The following ZFYVE16 variants were observed in gnomAD, a reference collection of about 807,000 sequenced individuals.
ZFYVE16 encodes the protein zinc finger FYVE domain-containing protein 16.
Under a neutral mutation model 138.1 loss-of-function variants are expected in ZFYVE16, and 89 were observed. The ratio of observed to expected loss-of-function variants is 0.64; its 90% CI spans 0.54 to 0.77. ZFYVE16 has a LOEUF of 0.77. Ranked by LOEUF, ZFYVE16 falls within the 30% of genes least tolerant of loss-of-function variation. ZFYVE16 has a pLI of 0.00. For missense variants in ZFYVE16, 1,793 were observed against 1,786.7 expected, an observed-to-expected ratio of 1.00 and a Z score of -0.06; for synonymous variants, 596 against 618.3, an observed-to-expected ratio of 0.96 and a Z score of 0.53.
intron 15 of ZFYVE16, among the ~76,000 whole-genome samples, chr5:80,465,912 A>G (rs1045530393): frequency 6.6e-6 from 1 of 150,620 alleles, no homozygotes; most frequent in African/African-American, 2.4e-5. Context: ...GTTTTTCATT[A>G]TGCATATATT....
At chr5:80,440,686 G>GTGTGTA (rs1750592353) in intron 5 of ZFYVE16, 1 of 982,568 alleles carries the variant, frequency 1.0e-6, no homozygotes, top group South Asian at 4.7e-5. Context: ...GTGTGTGTGT[G>GTGTGTA]TGTGTGTGTG....
chr5:80,436,872 G>T lies in ZFYVE16; in HGVS notation c.187G>T (p.Val63Phe). 1 of 1,614,096 alleles carries T rather than the reference G, an allele frequency of 6.2e-7. No homozygotes were observed. The highest frequency in any genetic ancestry group is 8.5e-7 in the Non-Finnish European group (1 of 1,180,004). The change falls in exon 4 of 19, where the codon GTT becomes TTT. Residue 63 changes from valine (V) to phenylalanine (F), a missense_variant. Physicochemically the swap from Val to Phe is conservative, Grantham distance 50. Transcript: ENST00000505560. ...TSLLPKDQEC[V>F]NSCASSETSY... ...ATTGCTCCCAAAAGACCAAGAGTGC[G>T]TTAATAGTTGTGCCTCATCAGAAAC... is the stretch of plus-strand genomic sequence containing the variant.
At chr5:80,456,779 A>G (rs934096779) in intron 13 of ZFYVE16, among the ~76,000 whole-genome samples, 166 bp from the exon 14 acceptor site, 9 of 152,224 alleles carry the variant, frequency 5.9e-5, no homozygotes, top group East Asian at 3.8e-4. Context: ...TTACTGTTCA[A>G]CTGAAGTGCT....
chr5:80,463,086 A>G lies in ZFYVE16; in HGVS notation c.4024+3592A>G, dbSNP rs141480699. Among the ~76,000 whole-genome samples the G allele has an allele frequency of 5.3e-3, 802 of 152,254 alleles. 4 individuals are homozygous for G. Among genetic ancestry groups the G allele is most frequent in the African/African-American group, 0.018 (740 of 41,554 alleles). The stretch of plus-strand genomic sequence containing the variant: ...CACAGTGCAAGCTGTTGGTGGATCT[A>G]CCATTCTGGGGTCTGGAGGATGGTG... On this transcript the variant is annotated intron_variant, in intron 15 of 18. Coordinates refer to ENST00000505560, the MANE Select transcript of ZFYVE16 (RefSeq NM_001284236.3).
Position 80,437,840 on chromosome 5 carries a change from T to C in ZFYVE16, c.1155T>C (p.Cys385=), listed in dbSNP as rs750008161. ...LSCLPASGSM[C]GSLIESKARG... is the part of the protein sequence containing the mutation. ...GTCTTCCTGCGTCTGGGTCTATGTGTGGATCATTAATTGAAAGTAAAGCAC... is the reference window on the plus strand; with the variant it reads ...GTCTTCCTGCGTCTGGGTCTATGTGCGGATCATTAATTGAAAGTAAAGCAC... The change falls in exon 4 of 19, where the codon TGT becomes TGC. Residue 385 remains cysteine, a synonymous_variant. Transcript: ENST00000505560. 34 of 1,613,988 alleles carry C rather than the reference T, an allele frequency of 2.1e-5. No homozygotes were observed. Among genetic ancestry groups the C allele is most frequent in the Non-Finnish European group, 2.8e-5 (33 of 1,179,988 alleles).
intron 2 of ZFYVE16, among the ~76,000 whole-genome samples, chr5:80,432,169 A>G (rs910281412): frequency 1.3e-5 from 2 of 152,234 alleles, no homozygotes; most frequent in African/African-American, 4.8e-5. Flanking sequence ...GCATCACGCT[A>G]CCTGACTTCA....
upstream of ZFYVE16, among the ~76,000 whole-genome samples, chr5:80,407,659 G>C (rs1744805198): frequency 6.6e-6 from 1 of 152,216 alleles, no homozygotes; most frequent in African/African-American, 2.4e-5. Flanking sequence ...GCCCGCTGCC[G>C]GGAAGGCGGG....
At chr5:80,476,227 G>A (rs929625018) in intron 18 of ZFYVE16, among the ~76,000 whole-genome samples, 8 of 151,956 alleles carry the variant, frequency 5.3e-5, no homozygotes, top group Admixed American at 2.0e-4. Flanking sequence ...GTGAGCCACC[G>A]CACCTGGCCT....
intron 15 of ZFYVE16, among the ~76,000 whole-genome samples, chr5:80,465,400 G>GT (rs3072097): frequency 0.033 from 878 of 26,710 alleles, 200 homozygotes; most frequent in South Asian, 0.067. Flanking sequence ...CCTTTTCTTT[G>GT]TTTTTTTTTT....
At chr5:80,454,558 G>C (rs1013718485) in intron 11 of ZFYVE16, 1 of 151,360 alleles carries the variant, frequency 6.6e-6, no homozygotes, top group Non-Finnish European at 1.5e-5. Flanking sequence ...CCAGGCTGGA[G>C]TGCAGTGGCG....
In ZFYVE16 at chr5:80,438,264, C is replaced by G. The variant is rs564245795; in HGVS notation, c.1579C>G (p.Leu527Val). The G allele has an allele frequency of 6.2e-7, 1 of 1,614,078 alleles. No individual in the cohort carries two copies. The highest frequency in any genetic ancestry group is 8.5e-7 in the Non-Finnish European group (1 of 1,179,966). The change falls in exon 4 of 19, where the codon CTA (leucine) becomes GTA (valine). Residue 527 changes from leucine (L) to valine (V), a missense_variant. Leu to Val is a conservative substitution (Grantham distance 32). Transcript: ENST00000505560. Reference protein sequence around the residue: ...NIDEGAKSGPLISDAELDAFL... With the variant: ...NIDEGAKSGPVISDAELDAFL... The stretch of plus-strand genomic sequence containing the variant: ...TGATGAAGGCGCAAAAAGTGGCCCA[C>G]TAATTAGTGATGCTGAACTTGATGC...
At chr5:80,459,632 G>A in intron 15 of ZFYVE16, 138 bp downstream of exon 15, 2 of 659,022 alleles carry the variant, frequency 3.0e-6, no homozygotes, top group Non-Finnish European at 4.9e-6. Flanking sequence ...TCATCAACCA[G>A]CACAAGAAGT....
intron 5 of ZFYVE16, chr5:80,441,746 G>T (rs1750733942): frequency 1.0e-6 from 1 of 985,306 alleles, no homozygotes; most frequent in Non-Finnish European, 1.2e-6. Context: ...CCAGAGTAAA[G>T]TGTTTGGATT....
chr5:80,451,906 T>C, intron 11 of ZFYVE16, 197 bp downstream of exon 11: 1 of 510,738 alleles, frequency 2.0e-6, no homozygotes. Flanking sequence ...AGTTTCTAGA[T>C]GTTCATAAGT....
chr5:80,448,847 G>A (rs1157393434), intron 8 of ZFYVE16, among the ~76,000 whole-genome samples: 2 of 152,000 alleles, frequency 1.3e-5, no homozygotes, highest in African/African-American at 4.8e-5. Context: ...AGTTTCCTTT[G>A]TAAATAGAAC....
intron 15 of ZFYVE16, among the ~76,000 whole-genome samples, chr5:80,461,887 G>A (rs913877640): frequency 6.6e-6 from 1 of 152,050 alleles, no homozygotes. Context: ...CAAGAGAATG[G>A]TGTGAACCCA....
At chr5:80,413,043 G>A (rs972915196) in intron 1 of ZFYVE16, among the ~76,000 whole-genome samples, 1 of 152,128 alleles carries the variant, frequency 6.6e-6, no homozygotes, top group African/African-American at 2.4e-5. Context: ...GGGTTGTGGG[G>A]CACACACCTG....
chr5:80,437,198 T>A lies in ZFYVE16; in HGVS notation c.513T>A (p.Asp171Glu). The A allele has an allele frequency of 6.2e-7, 1 of 1,614,066 alleles. No individual in the cohort carries two copies. The highest frequency in any genetic ancestry group is 8.5e-7 in the Non-Finnish European group (1 of 1,180,000). ...LIGLDLSSVS[D>E]TPCVSSTDHD... ...GATTGGATTTATCTTCAGTGTCAGATACTCCCTGTGTTTCTTCAACAGACC... is the reference window on the plus strand; with the variant it reads ...GATTGGATTTATCTTCAGTGTCAGAAACTCCCTGTGTTTCTTCAACAGACC... The change falls in exon 4 of 19, where the codon GAT becomes GAA. Residue 171 changes from aspartate to glutamate, a missense_variant. By Grantham distance (45) the Asp-to-Glu change is conservative. Coordinates refer to ENST00000505560, the MANE Select transcript of ZFYVE16 (RefSeq NM_001284236.3).
intron 1 of ZFYVE16, among the ~76,000 whole-genome samples, chr5:80,425,436 C>T (rs1418095544): frequency 2.6e-5 from 4 of 152,136 alleles, no homozygotes; most frequent in Non-Finnish European, 5.9e-5. Context: ...CTTTTACTCC[C>T]GTTTACCCTT....
Sources: allele counts gnomAD v4.1 joint callset (sites outside exome capture counted in the v4.1 genomes callset), GRCh38; gene constraint gnomAD v4.1.1; transcripts MANE v1.5; gene names NCBI Gene and HGNC (gene_info 2026-07-23, HGNC 2026-07-21).